HTR7: variants seen among roughly 807,000 people sequenced by gnomAD.
The protein encoded by HTR7 is 5-HT-7.
A neutral mutation model predicts 34.0 loss-of-function variants in HTR7; 16 were observed. That is an observed-to-expected ratio of 0.47 (90% CI 0.32 to 0.71). The LOEUF is 0.71. Among genes scored for constraint, HTR7 ranks in the 30% least tolerant of loss-of-function variants. The pLI is 0.04. For missense variants in HTR7, 504 were observed against 625.5 expected (o/e 0.81, Z 2.07); for synonymous variants, 265 against 260.2 (o/e 1.02, Z -0.18).
intron 1 of HTR7, among the ~76,000 whole-genome samples, chr10:90,825,194 T>C (rs546195995): frequency 1.3e-5 from 2 of 152,184 alleles, no homozygotes; most frequent in Non-Finnish European, 2.9e-5. Flanking sequence ...ATCCAGAGAA[T>C]TCTTCAGGAT....
intron 1 of HTR7, among the ~76,000 whole-genome samples, chr10:90,754,457 T>C (rs1466831344): frequency 6.6e-6 from 1 of 152,212 alleles, no homozygotes; most frequent in Non-Finnish European, 1.5e-5. Context: ...GTTTAATATT[T>C]AATCACACTA....
intron 1 of HTR7, among the ~76,000 whole-genome samples, chr10:90,856,516 C>T (rs993539775): frequency 2.6e-5 from 4 of 152,182 alleles, no homozygotes; most frequent in Non-Finnish European, 5.9e-5. Context: ...AGGCTAGAAC[C>T]AGCCATTCAG....
rs369321684 is a variant in HTR7, at chr10:90,758,276, C to T, written c.540-8682G>A. ...AGAAGAATCGCTTGAACCCAGGAGG[C>T]GGAGGTTGCAGTGAGCAGAGATCGT... is the stretch of plus-strand genomic sequence containing the variant. On this transcript the variant is annotated intron_variant, in intron 1 of 3. Coordinates refer to ENST00000336152, the MANE Select transcript of HTR7 (RefSeq NM_019859.4). Among the ~76,000 whole-genome samples the T allele has an allele frequency of 2.2e-3, 287 of 131,266 alleles. 1 individual carries two copies. Among genetic ancestry groups the T allele is most frequent in the African/African-American group, 7.7e-3 (270 of 34,892 alleles). The allele number at this position is 131,266 out of a possible 152,430, so 86.1% of individuals were successfully genotyped here.
intron 1 of HTR7, among the ~76,000 whole-genome samples, chr10:90,818,568 T>C (rs1465564029): frequency 6.6e-6 from 1 of 152,014 alleles, no homozygotes; most frequent in Non-Finnish European, 1.5e-5. Context: ...AAAGTGAGTT[T>C]GGCCCCTGCT....
chr10:90,822,829 C>T (rs1241177675), intron 1 of HTR7, among the ~76,000 whole-genome samples: 1 of 152,194 alleles, frequency 6.6e-6, no homozygotes, highest in Non-Finnish European at 1.5e-5. Context: ...AGCTACTCTG[C>T]TCCAGCCATG....
In HTR7 at chr10:90,771,984, C is replaced by CT. The variant is rs994607810; in HGVS notation, c.540-22391dup. ...TTTCAAGGTAAATTTTTTAAAATAA[C>CT]TTTTTTTTTAGGAAAAAAATCCCTT... On this transcript the variant is annotated intron_variant, in intron 1 of 3. Transcript: ENST00000336152. Among the ~76,000 whole-genome samples, 110 of 151,428 alleles carry CT rather than the reference C, an allele frequency of 7.3e-4. 1 individual carries two copies. Among genetic ancestry groups the CT allele is most frequent in the Middle Eastern group, 3.4e-3 (1 of 294 alleles).
intron 1 of HTR7, among the ~76,000 whole-genome samples, chr10:90,846,942 C>G (rs1024000315): frequency 6.6e-6 from 1 of 152,204 alleles, no homozygotes; most frequent in African/African-American, 2.4e-5. Flanking sequence ...ACTCAGAATG[C>G]CTTCCTGCTC....
intron 1 of HTR7, among the ~76,000 whole-genome samples, chr10:90,779,714 GA>G (rs1270128141): frequency 6.6e-6 from 1 of 152,058 alleles, no homozygotes; most frequent in African/African-American, 2.4e-5. Flanking sequence ...ATCTCACCCA[GA>G]AAAAACATTT....
In HTR7 at chr10:90,857,014, C is replaced by T. The variant is rs1846591067; in HGVS notation, c.539+119G>A. On this transcript the variant is annotated intron_variant, in intron 1 of 3. Coordinates refer to ENST00000336152, the MANE Select transcript of HTR7 (RefSeq NM_019859.4). This position sits in a 1 kb window ranked among gnomAD's most constrained non-coding sequence, Gnocchi z 6.5. ...GGATTGGGGGGAGCGGTGTTTTAAG[C>T]GCAGCCCTTCATCCCGCCTTGAAGT... is the stretch of plus-strand genomic sequence containing the variant. 24 of 941,930 alleles carry T rather than the reference C, an allele frequency of 2.5e-5. No homozygotes were observed. The South Asian group carries it at 3.7e-4, about 14-fold the overall frequency. 58.3% of individuals were successfully genotyped at this position (941,930 alleles called of 1,614,324 possible). A position where few individuals can be genotyped will look rare whatever the true frequency, so the allele number is the denominator to read the frequency against.
chr10:90,742,750 A>C (rs546436915), intron 3 of HTR7, among the ~76,000 whole-genome samples: 1 of 152,188 alleles, frequency 6.6e-6, no homozygotes, highest in East Asian at 1.9e-4. Flanking sequence ...ATATATTTGC[A>C]AATCAGCCCC....
intron 2 of HTR7, among the ~76,000 whole-genome samples, chr10:90,745,946 C>T (rs1421426105): frequency 6.6e-6 from 1 of 152,172 alleles, no homozygotes; most frequent in Non-Finnish European, 1.5e-5. Context: ...AACACCCAAG[C>T]CTCCAGACTA....
intron 1 of HTR7, among the ~76,000 whole-genome samples, chr10:90,813,421 C>G (rs754954061): frequency 6.6e-6 from 1 of 151,870 alleles, no homozygotes; most frequent in Non-Finnish European, 1.5e-5. Context: ...ACTGGGGAGG[C>G]TGAGGCCACA....
intron 1 of HTR7, among the ~76,000 whole-genome samples, chr10:90,770,805 G>C (rs1331420586): frequency 6.6e-6 from 1 of 152,228 alleles, no homozygotes; most frequent in Non-Finnish European, 1.5e-5. Flanking sequence ...AGGCAGAAAG[G>C]CTCCTGGGCA....
At chr10:90,804,325 G>C (rs1845670939) in intron 1 of HTR7, among the ~76,000 whole-genome samples, 1 of 152,172 alleles carries the variant, frequency 6.6e-6, no homozygotes, top group Admixed American at 6.5e-5. Context: ...TGGGTACCAA[G>C]AGGGCAGGGT....
intron 1 of HTR7, among the ~76,000 whole-genome samples, chr10:90,813,250 C>T (rs530921589): frequency 1.3e-5 from 2 of 152,286 alleles, no homozygotes; most frequent in South Asian, 2.1e-4. Context: ...TTCACACGGA[C>T]GCGCATGAAA....
At position 90,779,176 on chromosome 10, in the gene HTR7, C is replaced by T. The variant is rs369750341; in HGVS notation, c.540-29582G>A. ...GAGCCATCCCTGAAGAAACATAGTG[C>T]CTCTTGAAGATTTTTTAAAAGATTT... On this transcript the variant is annotated intron_variant, in intron 1 of 3. Coordinates refer to ENST00000336152, the MANE Select transcript of HTR7 (RefSeq NM_019859.4). 1.6e-4 allele frequency among the ~76,000 whole-genome samples: 25 copies of T among 152,266 alleles called. 1 individual carries two copies. In the South Asian group the frequency reaches 2.9e-3, roughly 18 times the overall value.
At chr10:90,823,289 G>A (rs1372722830) in intron 1 of HTR7, among the ~76,000 whole-genome samples, 1 of 152,224 alleles carries the variant, frequency 6.6e-6, no homozygotes, top group Non-Finnish European at 1.5e-5. Context: ...GCTGCCCAAG[G>A]CCTTGGGAGC....
rs1846606435 is a variant in HTR7 at position 90,857,536 on chromosome 10, G to A, written c.136C>T (p.Pro46Ser). 2 of 1,604,402 alleles carry A rather than the reference G, an allele frequency of 1.2e-6. No homozygotes were observed. Among genetic ancestry groups the A allele is most frequent in the Admixed American group, 1.7e-5 (1 of 58,830 alleles). Reference protein sequence around the residue: ...GADPVAGSWAPHLLSEVTASP... With the variant: ...GADPVAGSWASHLLSEVTASP... Reference sequence around the variant, plus strand: ...GCTGTCACCTCGCTCAGCAGGTGCGGCGCCCAGGAGCCCGCGACCGGGTCG... The same window carrying A: ...GCTGTCACCTCGCTCAGCAGGTGCGACGCCCAGGAGCCCGCGACCGGGTCG... The change falls in exon 1 of 4, where the codon CCG becomes TCG. Residue 46 changes from proline (P) to serine (S), a missense_variant. By Grantham distance (74) the Pro-to-Ser change is moderately conservative (BLOSUM62 -1). This residue lies in a region of HTR7 where 139 missense variants were observed against 117.1 expected (regional missense o/e 1.19). Transcript: ENST00000336152. This position sits in a 1 kb window ranked among gnomAD's most constrained non-coding sequence, Gnocchi z 6.5.
intron 1 of HTR7, among the ~76,000 whole-genome samples, chr10:90,798,729 C>A (rs1407856546): frequency 2.0e-5 from 3 of 152,130 alleles, no homozygotes; most frequent in Admixed American, 6.5e-5. Context: ...AAAATTATAA[C>A]TGAGAAAGTG....
Sources: gnomAD v4.1 joint callset for allele counts (sites outside exome capture counted in the v4.1 genomes callset) on GRCh38, gnomAD v4.1.1 for gene constraint, gnomAD v4.1.1 regional missense constraint, Gnocchi (gnomAD v3.1) non-coding constraint, MANE v1.5 for transcripts, NCBI Gene and HGNC (gene_info 2026-07-23, HGNC 2026-07-21) for gene names.